The following SPON1 variants were observed in gnomAD, a reference collection of about 807,000 sequenced individuals.
SPON1 encodes spondin 1.
Under a neutral mutation model 111.7 loss-of-function variants are expected in SPON1, and 52 were observed. That is an observed-to-expected ratio of 0.47 (90% CI 0.37 to 0.59). The LOEUF (loss-of-function observed/expected upper bound fraction) is 0.59, where lower values mean the gene tolerates loss of function less well. Ranked by LOEUF, SPON1 falls within the 20% of genes least tolerant of loss-of-function variation. The probability of loss-of-function intolerance (pLI) is 0.00; values close to 1 mark genes in which losing one functional copy is unlikely to be tolerated. For synonymous variants in SPON1, 410 were observed against 395.8 expected (o/e 1.04, Z -0.43); for missense variants, 957 against 1,068.5 (o/e 0.90, Z 1.46).
chr11:14,239,351 C>T (rs1848898948), intron 6 of SPON1, among the ~76,000 whole-genome samples: 1 of 152,184 alleles, frequency 6.6e-6, no homozygotes, highest in Non-Finnish European at 1.5e-5. Context: ...ATTTAGTCCC[C>T]CTAACAAGCA....
chr11:14,090,824 G>GCCACCCCCCCC lies in SPON1; in HGVS notation c.676+10805_676+10806insACCCCCCCCCC, dbSNP rs1849046497. ...CAGCCTGCTTTTATTCTCTTATCTG[G>GCCACCCCCCCC]CCCCCCCCCCCCCCCCCCCCGCCCA... On this transcript the variant is annotated intron_variant, in intron 5 of 15. Transcript: ENST00000576479. Among the ~76,000 whole-genome samples the GCCACCCCCCCC allele has an allele frequency of 2.0e-3, 91 of 45,600 alleles. 7 individuals are homozygous for GCCACCCCCCCC. The highest frequency in any genetic ancestry group is 2.4e-3 in the Admixed American group (9 of 3,754). The allele number at this position is 45,600 out of a possible 152,430, so 29.9% of individuals were successfully genotyped here. A position where few individuals can be genotyped will look rare whatever the true frequency, so the allele number is the denominator to read the frequency against.
At chr11:14,264,452 A>C (rs1171599479) in intron 15 of SPON1, among the ~76,000 whole-genome samples, 3 of 152,238 alleles carry the variant, frequency 2.0e-5, no homozygotes, top group African/African-American at 7.2e-5. Flanking sequence ...TCAGTGCTGA[A>C]GGTGCCCATG....
intron 6 of SPON1, among the ~76,000 whole-genome samples, chr11:14,171,737 A>G (rs1467463674): frequency 6.6e-6 from 1 of 151,824 alleles, no homozygotes; most frequent in African/African-American, 2.4e-5. Context: ...TTCTGCCTTC[A>G]TTTCGTTATG....
At chr11:14,099,453 A>G (rs777380875) in intron 5 of SPON1, among the ~76,000 whole-genome samples, 141 of 151,904 alleles carry the variant, frequency 9.3e-4, no homozygotes, top group Non-Finnish European at 1.1e-3. Flanking sequence ...TTTTGTTTTT[A>G]TTAATAATAA....
intron 6 of SPON1, among the ~76,000 whole-genome samples, chr11:14,167,870 C>G (rs573500533): frequency 6.6e-6 from 1 of 152,216 alleles, no homozygotes; most frequent in East Asian, 1.9e-4. Flanking sequence ...AGAATTTTTT[C>G]ATAAAATTAA....
intron 6 of SPON1, among the ~76,000 whole-genome samples, chr11:14,178,045 A>ACACACACACACACACACACAC (rs1848197407): frequency 5.6e-5 from 8 of 142,606 alleles, no homozygotes; most frequent in South Asian, 2.3e-4. Flanking sequence ...CACACACACA[A>ACACACACACACACACACACAC]ACACACACAC....
At chr11:14,212,374 A>G (rs1848585778) in intron 6 of SPON1, among the ~76,000 whole-genome samples, 1 of 152,214 alleles carries the variant, frequency 6.6e-6, no homozygotes. Context: ...ATTTTTAAAT[A>G]TAAGATTGAA....
At chr11:13,995,477 G>A (rs1165171305) in intron 2 of SPON1, among the ~76,000 whole-genome samples, 3 of 152,168 alleles carry the variant, frequency 2.0e-5, no homozygotes, top group Non-Finnish European at 4.4e-5. Context: ...TGGAGAGAGA[G>A]AGCAAGACAA....
chr11:13,991,067 C>G (rs782664663), intron 2 of SPON1, among the ~76,000 whole-genome samples: 14 of 152,202 alleles, frequency 9.2e-5, no homozygotes, highest in African/African-American at 2.9e-4. Context: ...TTGCTCTTCT[C>G]GAGGAGTATC....
chr11:14,211,685 T>C (rs782783898), intron 6 of SPON1, among the ~76,000 whole-genome samples: 11 of 152,222 alleles, frequency 7.2e-5, no homozygotes, highest in Non-Finnish European at 1.2e-4. Context: ...TGTATAATAA[T>C]GTATATAGTA....
At chr11:14,229,769 A>T (rs1052882090) in intron 6 of SPON1, among the ~76,000 whole-genome samples, 1 of 152,186 alleles carries the variant, frequency 6.6e-6, no homozygotes. Flanking sequence ...CATATAAGTG[A>T]CCAAGCCAAG....
chr11:14,185,915 A>G (rs535073455), intron 6 of SPON1, among the ~76,000 whole-genome samples: 18 of 152,334 alleles, frequency 1.2e-4, no homozygotes, highest in Admixed American at 9.1e-4. Context: ...CAACCTTTCA[A>G]TGCCAGACTT....
chr11:14,226,288 C>G (rs1274024838), intron 6 of SPON1, among the ~76,000 whole-genome samples: 1 of 152,202 alleles, frequency 6.6e-6, no homozygotes, highest in African/African-American at 2.4e-5. Context: ...TGCCTCTTTA[C>G]CCACCATGGG....
chr11:14,224,657 G>C (rs1340763974), intron 6 of SPON1: 9 of 377,102 alleles, frequency 2.4e-5, no homozygotes, highest in South Asian at 2.1e-4. Flanking sequence ...ATCTAGCATA[G>C]AGGCCATACC....
chr11:14,053,564 G>T (rs1276027971), intron 3 of SPON1, among the ~76,000 whole-genome samples: 3 of 152,164 alleles, frequency 2.0e-5, no homozygotes, highest in Non-Finnish European at 4.4e-5. Flanking sequence ...AACATGAGAT[G>T]ATCAAAGGAT....
intron 5 of SPON1, among the ~76,000 whole-genome samples, chr11:14,125,650 C>T (rs1847450090): frequency 6.6e-6 from 1 of 152,176 alleles, no homozygotes; most frequent in South Asian, 2.1e-4. Context: ...TGGCTTGCTG[C>T]AGAATTGGGA....
chr11:14,053,749 G>T (rs141789046), intron 3 of SPON1, among the ~76,000 whole-genome samples: 30 of 152,310 alleles, frequency 2.0e-4, no homozygotes, highest in Non-Finnish European at 3.7e-4. Context: ...AAAGGACAAA[G>T]AAATGGTTTT....
chr11:14,213,605 T>A (rs1198223120), intron 6 of SPON1, among the ~76,000 whole-genome samples: 2 of 152,168 alleles, frequency 1.3e-5, no homozygotes, highest in African/African-American at 4.8e-5. Flanking sequence ...ACAAAGCACT[T>A]TCTATGTACA....
intron 6 of SPON1, 108 bp from the exon 7 acceptor site, chr11:14,243,224 C>A: frequency 9.3e-7 from 1 of 1,070,818 alleles, no homozygotes; most frequent in Non-Finnish European, 1.4e-6. Flanking sequence ...CAGGAAAAGC[C>A]CCAACAGCAG....
Sources: gnomAD v4.1 joint callset for allele counts (sites outside exome capture counted in the v4.1 genomes callset) on GRCh38, gnomAD v4.1.1 for gene constraint, MANE v1.5 for transcripts, NCBI Gene and HGNC (gene_info 2026-07-23, HGNC 2026-07-21) for gene names.